The following FSD1L variants were observed in gnomAD, a reference collection of about 807,000 sequenced individuals.
FSD1L encodes FSD1-like protein.
A neutral mutation model predicts 71.6 loss-of-function variants in FSD1L; 45 were observed. The observed-to-expected ratio is 0.63, with a 90% CI of 0.49 to 0.81. The LOEUF is 0.81. Ranked by LOEUF, FSD1L falls within the 30% of genes least tolerant of loss-of-function variation. The pLI is 0.00. For synonymous variants in FSD1L, 197 were observed against 207.2 expected, an observed-to-expected ratio of 0.95 and a Z score of 0.42; for missense variants, 561 against 618.1, an observed-to-expected ratio of 0.91 and a Z score of 0.98.
chr9:105,517,568 A>T (rs1429230564), intron 10 of FSD1L, among the ~76,000 whole-genome samples: 1 of 152,234 alleles, frequency 6.6e-6, no homozygotes, highest in African/African-American at 2.4e-5. Flanking sequence ...ACTAAGCTTC[A>T]TAAGTGAAGG....
upstream of FSD1L, among the ~76,000 whole-genome samples, chr9:105,446,388 G>A (rs1192066896): frequency 3.3e-5 from 5 of 152,086 alleles, no homozygotes; most frequent in African/African-American, 1.2e-4. Flanking sequence ...TTTAGGAGCT[G>A]GGGTCTCACC....
At chr9:105,489,069 C>A (rs1306640663) in intron 7 of FSD1L, among the ~76,000 whole-genome samples, 1 of 152,024 alleles carries the variant, frequency 6.6e-6, no homozygotes, top group Non-Finnish European at 1.5e-5. Flanking sequence ...ATTAAGATGA[C>A]AATGACTATA....
chr9:105,468,167 ATTGTT>A (rs1831197659), intron 3 of FSD1L, 21 bp from the exon 4 acceptor site: 5 of 1,349,476 alleles, frequency 3.7e-6, no homozygotes, highest in South Asian at 2.1e-5. Flanking sequence ...CTTCAGTAAA[ATTGTT>A]TTGTTTTGTT....
At chr9:105,523,287 C>A (rs924941172) in intron 10 of FSD1L, 9 of 1,596,232 alleles carry the variant, frequency 5.6e-6, no homozygotes, top group Non-Finnish European at 7.7e-6. Flanking sequence ...GAATATAGAT[C>A]ACATGGAACA....
At position 105,508,327 on chromosome 9, in the gene FSD1L, G is replaced by A. The variant is rs536414946; in HGVS notation, c.797-290G>A. On this transcript the variant is annotated intron_variant, in intron 8 of 13. Transcript: ENST00000481272. ...CGAGTAGCTGGGACTACAGGCGCCC[G>A]CCACCACGCCTGGCTAATTTTTTGT... Among the ~76,000 whole-genome samples, 28 of 151,786 alleles carry A rather than the reference G, an allele frequency of 1.8e-4. 1 individual carries two copies. Among genetic ancestry groups the A allele is most frequent in the East Asian group, 5.8e-4 (3 of 5,164 alleles).
At position 105,457,185 on chromosome 9, in the gene FSD1L, T is replaced by A. The variant is rs550064858; in HGVS notation, c.16-4335T>A. On this transcript the variant is annotated intron_variant, in intron 1 of 13. Coordinates refer to ENST00000481272, the MANE Select transcript of FSD1L (RefSeq NM_001145313.3). Reference sequence around the variant, plus strand: ...TGTATATGTTTTAGGACAGAGGTTATAGGTAGAGAAACTGATAAGTGAGAG... The same window carrying A: ...TGTATATGTTTTAGGACAGAGGTTAAAGGTAGAGAAACTGATAAGTGAGAG... Among the ~76,000 whole-genome samples, 4 of 152,330 alleles carry A rather than the reference T, an allele frequency of 2.6e-5. No individual in the cohort carries two copies. The East Asian group carries it at 7.7e-4, about 29-fold the overall frequency.
chr9:105,502,173 G>A (rs1041026236), intron 7 of FSD1L, among the ~76,000 whole-genome samples: 3 of 152,026 alleles, frequency 2.0e-5, no homozygotes, highest in Non-Finnish European at 4.4e-5. Context: ...GTCTAGCTGT[G>A]CAATCTTGAG....
chr9:105,462,520 AT>A (rs773853934), intron 2 of FSD1L, among the ~76,000 whole-genome samples: 4,588 of 104,232 alleles, frequency 0.044, 90 homozygotes, highest in Non-Finnish European at 0.047. Flanking sequence ...TGTGACTGAC[AT>A]TTTTTTTTTT....
At chr9:105,466,896 A>T (rs1831118135) in intron 3 of FSD1L, among the ~76,000 whole-genome samples, 1 of 152,080 alleles carries the variant, frequency 6.6e-6, no homozygotes. Flanking sequence ...AAATTATTAG[A>T]ATTCTACCTT....
At chr9:105,493,763 T>C (rs2131301748) in intron 7 of FSD1L, among the ~76,000 whole-genome samples, 1 of 152,230 alleles carries the variant, frequency 6.6e-6, no homozygotes, top group Non-Finnish European at 1.5e-5. Flanking sequence ...CTTATGAAGC[T>C]TAGTTTGGCT....
intron 10 of FSD1L, among the ~76,000 whole-genome samples, chr9:105,533,416 CTTTTTTTT>C (rs754896606): frequency 7.9e-4 from 23 of 29,070 alleles, no homozygotes; most frequent in South Asian, 2.5e-3. Flanking sequence ...CCATTTCCAT[CTTTTTTTT>C]TTTTTTTTTT....
chr9:105,541,397 A>G (rs1315273133), intron 13 of FSD1L, among the ~76,000 whole-genome samples: 4 of 151,912 alleles, frequency 2.6e-5, no homozygotes, highest in Middle Eastern at 3.2e-3. Context: ...TGGAATGCAG[A>G]AAAATTTTTT....
intron 9 of FSD1L, among the ~76,000 whole-genome samples, chr9:105,511,461 G>A (rs933173231): frequency 6.6e-6 from 1 of 152,030 alleles, no homozygotes; most frequent in Non-Finnish European, 1.5e-5. Flanking sequence ...CAGGGTATAA[G>A]TTTTACTTAA....
chr9:105,475,735 T>C (rs748737903), intron 5 of FSD1L, among the ~76,000 whole-genome samples: 3 of 152,248 alleles, frequency 2.0e-5, no homozygotes, highest in African/African-American at 4.8e-5. Context: ...TGCCTAATCA[T>C]AAAACAGTTG....
At position 105,525,996 on chromosome 9, in the gene FSD1L, C is replaced by T. The variant is rs1835483545; in HGVS notation, c.1026-8497C>T. ...TTGTTTGGTCAGAGCATACTAGAGACTACAGGAGAGGAATTATTCCCACAG... is the reference window on the plus strand; with the variant it reads ...TTGTTTGGTCAGAGCATACTAGAGATTACAGGAGAGGAATTATTCCCACAG... On this transcript the variant is annotated intron_variant, in intron 10 of 13. Transcript: ENST00000481272. The T allele has an allele frequency of 2.1e-5, 32 of 1,557,242 alleles. No individual in the cohort carries two copies. In the South Asian group the frequency reaches 2.4e-4, roughly 12 times the overall value.
chr9:105,461,550 G>GT lies in FSD1L; in HGVS notation c.48dup (p.Asp17Ter), dbSNP rs1445637653. ...CTTTAAGGAGAATGAAAACGTTACA[G>GT]TTGATAAAGCCTGTTTTCTGATCTC... On this transcript the variant is annotated frameshift_variant, in exon 2 of 14. Coordinates refer to ENST00000481272, the MANE Select transcript of FSD1L (RefSeq NM_001145313.3). LOFTEE classifies it high-confidence loss of function. The GT allele has an allele frequency of 1.3e-6, 2 of 1,551,570 alleles. No individual in the cohort carries two copies. Among genetic ancestry groups the GT allele is most frequent in the Non-Finnish European group, 1.7e-6 (2 of 1,146,670 alleles).
intron 4 of FSD1L, among the ~76,000 whole-genome samples, chr9:105,468,845 A>G (rs1831247934): frequency 6.6e-6 from 1 of 152,242 alleles, no homozygotes; most frequent in East Asian, 1.9e-4. Context: ...ATGGTGTTAA[A>G]TATATTCACA....
chr9:105,466,700 A>G (rs377218726), intron 3 of FSD1L, among the ~76,000 whole-genome samples: 19,737 of 152,084 alleles, frequency 0.13, 1,648 homozygotes, highest in African/African-American at 0.24. Context: ...CTCAAAAAAA[A>G]AAAAAAATAA....
chr9:105,486,345 T>A (rs1361699977), intron 7 of FSD1L, among the ~76,000 whole-genome samples: 1 of 152,204 alleles, frequency 6.6e-6, no homozygotes, highest in Non-Finnish European at 1.5e-5. Flanking sequence ...AATGGTTTGT[T>A]CTTTTCAATC....
Sources: gnomAD v4.1 joint callset for allele counts (sites outside exome capture counted in the v4.1 genomes callset) on GRCh38, gnomAD v4.1.1 for gene constraint, MANE v1.5 for transcripts, NCBI Gene and HGNC (gene_info 2026-07-23, HGNC 2026-07-21) for gene names.